The following PTPRD variants were observed in gnomAD, a reference collection of about 807,000 sequenced individuals.
The protein encoded by PTPRD is receptor-type tyrosine-protein phosphatase delta.
In PTPRD, 34 loss-of-function variants were observed where a neutral mutation model predicts 214.5. That is an observed-to-expected ratio of 0.16 (90% CI 0.12 to 0.21). The LOEUF (loss-of-function observed/expected upper bound fraction) is 0.21. Ranked by LOEUF, PTPRD falls within the 10% of genes least tolerant of loss-of-function variation. PTPRD has a pLI of 1.00. For synonymous variants in PTPRD, 1,128 were observed against 845.7 expected, an observed-to-expected ratio of 1.33 and a Z score of -5.79; for missense variants, 2,545 against 2,398.7, an observed-to-expected ratio of 1.06 and a Z score of -1.27.
At chr9:8,922,302 G>C (rs1225145699) in intron 11 of PTPRD, among the ~76,000 whole-genome samples, 1 of 152,164 alleles carries the variant, frequency 6.6e-6, no homozygotes, top group Non-Finnish European at 1.5e-5. Flanking sequence ...ACTTTCAGAA[G>C]AGAGCTCACT....
chr9:10,256,218 G>T (rs1333611818), intron 3 of PTPRD, among the ~76,000 whole-genome samples: 1 of 152,100 alleles, frequency 6.6e-6, no homozygotes, highest in Non-Finnish European at 1.5e-5. Flanking sequence ...GTGCCAAAAA[G>T]GTTGGGGGCT....
At chr9:8,555,745 A>C (rs2083524049) in intron 14 of PTPRD, among the ~76,000 whole-genome samples, 1 of 152,242 alleles carries the variant, frequency 6.6e-6, no homozygotes, top group African/African-American at 2.4e-5. Context: ...AGTAACAGGA[A>C]GGATGCTTTG....
At chr9:8,774,296 T>C (rs1051120116) in intron 11 of PTPRD, among the ~76,000 whole-genome samples, 6 of 152,140 alleles carry the variant, frequency 3.9e-5, no homozygotes, top group Non-Finnish European at 7.3e-5. Context: ...TTGGATTCAA[T>C]TGCTAATTTG....
chr9:9,745,119 TATA>T (rs2098444293), intron 6 of PTPRD, among the ~76,000 whole-genome samples: 1 of 152,030 alleles, frequency 6.6e-6, no homozygotes, highest in African/African-American at 2.4e-5. Context: ...AAATTATAAT[TATA>T]AAAATAGTTA....
intron 2 of PTPRD, among the ~76,000 whole-genome samples, chr9:10,442,421 T>C (rs2098765886): frequency 6.6e-6 from 1 of 151,566 alleles, no homozygotes; most frequent in African/African-American, 2.4e-5. Flanking sequence ...TTACAGATAG[T>C]TTGACCTATA....
chr9:9,745,149 C>T (rs908345894), intron 6 of PTPRD, among the ~76,000 whole-genome samples: 15 of 152,050 alleles, frequency 9.9e-5, no homozygotes, highest in African/African-American at 3.6e-4. Flanking sequence ...AGAAAAAACT[C>T]AAAATTCAGA....
intron 2 of PTPRD, among the ~76,000 whole-genome samples, chr9:10,401,041 G>T (rs1221293389): frequency 6.6e-6 from 1 of 151,392 alleles, no homozygotes; most frequent in African/African-American, 2.4e-5. Flanking sequence ...TGTTCTCATA[G>T]GCCTAGATGT....
chr9:9,560,213 A>G (rs647038), intron 8 of PTPRD, among the ~76,000 whole-genome samples: 54,141 of 152,012 alleles, frequency 0.36, 9,988 homozygotes, highest in African/African-American at 0.43. Flanking sequence ...CAACTCAGCC[A>G]GGACACAGGC....
chr9:8,769,135 T>G (rs2094997704), intron 11 of PTPRD, among the ~76,000 whole-genome samples: 2 of 152,210 alleles, frequency 1.3e-5, no homozygotes, highest in African/African-American at 4.8e-5. Flanking sequence ...TTTTATATAT[T>G]TAAATGTGCA....
chr9:8,871,964 T>C (rs999813453), intron 11 of PTPRD, among the ~76,000 whole-genome samples: 3 of 152,142 alleles, frequency 2.0e-5, no homozygotes, highest in African/African-American at 7.2e-5. Flanking sequence ...AAATGTGTCC[T>C]CTGCAAGCCA....
chr9:8,808,080 C>T (rs559649067), intron 11 of PTPRD, among the ~76,000 whole-genome samples: 1 of 152,310 alleles, frequency 6.6e-6, no homozygotes, highest in Admixed American at 6.5e-5. Flanking sequence ...TTTCCCCCTG[C>T]TCTTCATCAT....
At chr9:8,725,769 T>C (rs2098550093) in intron 12 of PTPRD, among the ~76,000 whole-genome samples, 1 of 152,230 alleles carries the variant, frequency 6.6e-6, no homozygotes, top group South Asian at 2.1e-4. Context: ...TAGAGATTTG[T>C]ACCCTGTCTG....
chr9:10,595,976 T>C (rs1261736488), intron 2 of PTPRD, among the ~76,000 whole-genome samples: 1 of 151,914 alleles, frequency 6.6e-6, no homozygotes, highest in Non-Finnish European at 1.5e-5. Context: ...TTGTAGTGCA[T>C]TTCTTTAAAA....
rs201900683 is a variant in PTPRD at position 10,019,651 on chromosome 9, G to A, written c.-472+14067C>T. The stretch of plus-strand genomic sequence containing the variant: ...AGGGACATGGATGAAGCTGGAAACC[G>A]TCATTCTCAGCAAACTATCGCAAGG... On this transcript the variant is annotated intron_variant, in intron 4 of 45. Coordinates refer to ENST00000381196, the MANE Select transcript of PTPRD (RefSeq NM_002839.4). Among the ~76,000 whole-genome samples, 17 of 152,106 alleles carry A rather than the reference G, an allele frequency of 1.1e-4. 1 individual carries two copies. The highest frequency in any genetic ancestry group is 3.3e-4 in the Admixed American group (5 of 15,282).
intron 9 of PTPRD, among the ~76,000 whole-genome samples, chr9:9,391,850 C>G (rs1385842406): frequency 6.6e-6 from 1 of 152,114 alleles, no homozygotes; most frequent in East Asian, 1.9e-4. Context: ...ACCGTTTGTT[C>G]CTTTCTGCCT....
In PTPRD at chr9:9,275,127, ATT is replaced by A. The variant is rs1491413614; in HGVS notation, c.-202-91766_-202-91765del. ...AATATATTATATATATATTATATAT[ATT>A]ATATATAATATATATATAATATATT... On this transcript the variant is annotated intron_variant, in intron 9 of 45. Transcript: ENST00000381196. Among the ~76,000 whole-genome samples the A allele has an allele frequency of 4.2e-3, 231 of 55,218 alleles. 2 individuals are homozygous for A. Among genetic ancestry groups the A allele is most frequent in the South Asian group, 8.4e-3 (19 of 2,268 alleles). The allele number at this position is 55,218 out of a possible 152,430, so 36.2% of individuals were successfully genotyped here. A position where few individuals can be genotyped will look rare whatever the true frequency, so the allele number is the denominator to read the frequency against.
chr9:10,555,314 G>A (rs2062287743), intron 2 of PTPRD, among the ~76,000 whole-genome samples: 1 of 152,104 alleles, frequency 6.6e-6, no homozygotes, highest in East Asian at 1.9e-4. Flanking sequence ...TTAGTTACAG[G>A]TACAACAAAT....
chr9:8,830,342 G>C (rs2097262832), intron 11 of PTPRD, among the ~76,000 whole-genome samples: 1 of 152,052 alleles, frequency 6.6e-6, no homozygotes, highest in Admixed American at 6.6e-5. Context: ...TCTAGCACTT[G>C]AGGGAAAATA....
chr9:9,794,110 G>C (rs1457188275), intron 5 of PTPRD, among the ~76,000 whole-genome samples: 1 of 151,306 alleles, frequency 6.6e-6, no homozygotes. Context: ...AAGAGAGTTA[G>C]ACAGATAAAC....
Sources: gnomAD v4.1 joint callset for allele counts (sites outside exome capture counted in the v4.1 genomes callset) on GRCh38, gnomAD v4.1.1 for gene constraint, MANE v1.5 for transcripts, NCBI Gene and HGNC (gene_info 2026-07-23, HGNC 2026-07-21) for gene names.